Variants in DSTN observed in about 807,000 individuals in gnomAD.
DSTN encodes the protein destrin, actin depolymerizing factor, also known as destrin.
In DSTN, 10 loss-of-function variants were observed where a neutral mutation model predicts 16.8. The ratio of observed to expected loss-of-function variants is 0.60; its 90% CI spans 0.37 to 1.01. The LOEUF (loss-of-function observed/expected upper bound fraction) is 1.01, where lower values mean the gene tolerates loss of function less well. Ranked by LOEUF, DSTN falls within the 50% of genes least tolerant of loss-of-function variation. The pLI, the probability that DSTN is intolerant of heterozygous loss-of-function variation, is 0.01. For missense variants in DSTN, 141 were observed against 196.7 expected (o/e 0.72, Z 1.69); for synonymous variants, 57 against 58.9 (o/e 0.97, Z 0.14).
chr20:17,592,445 A>AT (rs1216712002), intron 1 of DSTN, among the ~76,000 whole-genome samples: 3 of 151,740 alleles, frequency 2.0e-5, no homozygotes, highest in African/African-American at 7.3e-5. Flanking sequence ...AAAAAAAAAA[A>AT]AAATCTCGGA....
At position 17,571,320 on chromosome 20, in the gene DSTN, A is replaced by G. The variant is rs554388860; in HGVS notation, c.3+1109A>G. Among the ~76,000 whole-genome samples the G allele has an allele frequency of 1.5e-4, 23 of 152,380 alleles. No homozygotes were observed. The South Asian group carries it at 4.6e-3, about 30-fold the overall frequency. ...AAGCAGTTGGTACCAGCTTATCTGC[A>G]TACAAACTGTTTTCACTGTATAACA... On this transcript the variant is annotated intron_variant, in intron 1 of 3. Transcript: ENST00000246069.
chr20:17,594,014 G>A (rs910291655), intron 1 of DSTN, among the ~76,000 whole-genome samples: 1 of 151,990 alleles, frequency 6.6e-6, no homozygotes, highest in African/African-American at 2.4e-5. Context: ...CCAGGAGTGC[G>A]AGGCTGCAGT....
At chr20:17,579,346 A>G (rs1481967587) in intron 1 of DSTN, among the ~76,000 whole-genome samples, 1 of 152,198 alleles carries the variant, frequency 6.6e-6, no homozygotes, top group East Asian at 1.9e-4. Context: ...AGGCCAAAGC[A>G]GGCAGATCGC....
At chr20:17,572,849 CAG>C (rs1452853520) in intron 1 of DSTN, among the ~76,000 whole-genome samples, 1 of 152,172 alleles carries the variant, frequency 6.6e-6, no homozygotes, top group East Asian at 1.9e-4. Context: ...ACAGGAAAAA[CAG>C]GGCTATCTTA....
intron 2 of DSTN, 112 bp downstream of exon 2, chr20:17,601,157 T>C (rs2035583186): frequency 7.6e-7 from 1 of 1,309,478 alleles, no homozygotes; most frequent in South Asian, 1.7e-5. Flanking sequence ...GTTGTTGTCA[T>C]TTAATTTTTA....
intron 2 of DSTN, among the ~76,000 whole-genome samples, chr20:17,603,374 C>T (rs547250925): frequency 5.3e-5 from 8 of 152,216 alleles, no homozygotes; most frequent in Admixed American, 2.0e-4. Flanking sequence ...CCTCAAATAA[C>T]GTCATTTCTT....
chr20:17,591,995 C>T, intron 1 of DSTN: 1 of 985,480 alleles, frequency 1.0e-6, no homozygotes. Context: ...AGAGGAGATA[C>T]ACAGGCACTA....
intron 1 of DSTN, among the ~76,000 whole-genome samples, chr20:17,571,542 T>C (rs2035207414): frequency 6.6e-6 from 1 of 152,242 alleles, no homozygotes; most frequent in Non-Finnish European, 1.5e-5. Context: ...TTTTAATATC[T>C]AATTATTAGA....
At chr20:17,586,131 G>A (rs1159018642) in intron 1 of DSTN, among the ~76,000 whole-genome samples, 1 of 152,098 alleles carries the variant, frequency 6.6e-6, no homozygotes, top group African/African-American at 2.4e-5. Context: ...CAGAATATTA[G>A]AATGATTTTT....
chr20:17,601,650 T>C (rs1050326851), intron 2 of DSTN, among the ~76,000 whole-genome samples: 2 of 152,222 alleles, frequency 1.3e-5, no homozygotes, highest in African/African-American at 4.8e-5. Context: ...CCTTATTGAG[T>C]AGCACAGATA....
intron 3 of DSTN, 129 bp downstream of exon 3, chr20:17,604,760 G>T: frequency 1.2e-6 from 1 of 825,812 alleles, no homozygotes. Flanking sequence ...TACTTGTTTT[G>T]AGAAAAGCAG....
chr20:17,585,049 C>T (rs2035390887), intron 1 of DSTN, among the ~76,000 whole-genome samples: 1 of 152,110 alleles, frequency 6.6e-6, no homozygotes, highest in Admixed American at 6.5e-5. Context: ...GTTAAAGGGT[C>T]AATGGGTATG....
intron 1 of DSTN, chr20:17,596,529 C>A: frequency 1.5e-6 from 1 of 645,862 alleles, no homozygotes; most frequent in Non-Finnish European, 1.9e-6. Flanking sequence ...TCTCATTCAG[C>A]TATATTGGTT....
Position 17,607,802 on chromosome 20 carries a change from G to A in DSTN, c.*656G>A, listed in dbSNP as rs1358686834. 2.6e-5 allele frequency: 4 copies of A among 152,220 alleles called. No individual in the cohort carries two copies. The highest frequency in any genetic ancestry group is 4.4e-5 in the Non-Finnish European group (3 of 68,054). 9.4% of individuals were successfully genotyped at this position (152,220 alleles called of 1,614,324 possible). ...ATTGGAAGAGTGACCTGGCATCTTG[G>A]AAATCATTGTGTGTCTTCAGGAGAA... On this transcript the variant is annotated 3_prime_UTR_variant, in exon 4 of 4. Transcript: ENST00000246069.
chr20:17,590,573 A>G (rs2035458563), intron 1 of DSTN, among the ~76,000 whole-genome samples: 1 of 152,216 alleles, frequency 6.6e-6, no homozygotes, highest in Non-Finnish European at 1.5e-5. Flanking sequence ...GGTAATCACA[A>G]AGCTCTTGTT....
At chr20:17,581,529 G>C (rs1473558591) in intron 1 of DSTN, among the ~76,000 whole-genome samples, 1 of 152,128 alleles carries the variant, frequency 6.6e-6, no homozygotes, top group Non-Finnish European at 1.5e-5. Context: ...TATTCAGATG[G>C]TAGATGGTGG....
Position 17,607,162 on chromosome 20 carries a change from A to G in DSTN, c.*16A>G. On this transcript the variant is annotated 3_prime_UTR_variant, in exon 4 of 4. Coordinates refer to ENST00000246069, the MANE Select transcript of DSTN (RefSeq NM_006870.4). ...CCCTGTGTAGATTATTCAGTGCCAC[A>G]AATTGAAAGCTTCCATGTTTAATGT... 6.2e-7 allele frequency: 1 copy of G among 1,603,270 alleles called. No individual in the cohort carries two copies. The highest frequency in any genetic ancestry group is 8.5e-7 in the Non-Finnish European group (1 of 1,174,534).
rs577874312 is a variant in DSTN, at chr20:17,606,999, C to G, written c.389-38C>G. On this transcript the variant is annotated intron_variant, in intron 3 of 3. Coordinates refer to ENST00000246069, the MANE Select transcript of DSTN (RefSeq NM_006870.4). ...TCTTAGAGAAAGAGGTAAACTGCTG[C>G]CATAATTGTAAATAGAAGTGTTGTT... 1.7e-5 allele frequency: 27 copies of G among 1,601,548 alleles called. No homozygotes were observed. In the South Asian group the frequency reaches 2.9e-4, roughly 17 times the overall value.
At chr20:17,570,588 CG>C (rs201643394) in intron 1 of DSTN, among the ~76,000 whole-genome samples, 4,411 of 152,084 alleles carry the variant, frequency 0.029, 74 homozygotes, top group South Asian at 0.036. Flanking sequence ...GAGTGGGGGG[CG>C]GGGGGCGTCG....
Sources: allele counts gnomAD v4.1 joint callset (sites outside exome capture counted in the v4.1 genomes callset), GRCh38; gene constraint gnomAD v4.1.1; transcripts MANE v1.5; gene names NCBI Gene and HGNC (gene_info 2026-07-23, HGNC 2026-07-21).